Variants in NTN4 observed in about 807,000 individuals in gnomAD.
NTN4 encodes the protein netrin-4.
In NTN4, 32 loss-of-function variants were observed where a neutral mutation model predicts 73.6. The observed-to-expected ratio is 0.44, with a 90% CI of 0.33 to 0.58. The LOEUF (loss-of-function observed/expected upper bound fraction) is 0.58, where lower values mean the gene tolerates loss of function less well. NTN4 is among the 20% of genes least tolerant of loss of function. The pLI is 0.04. For missense variants in NTN4, 654 were observed against 798.3 expected (o/e 0.82, Z 2.18); for synonymous variants, 258 against 287.5 (o/e 0.90, Z 1.04).
intron 5 of NTN4, among the ~76,000 whole-genome samples, chr12:95,702,309 A>G (rs1033578696): frequency 7.2e-5 from 8 of 111,554 alleles, no homozygotes; most frequent in African/African-American, 2.8e-4. Flanking sequence ...AAAAAAAAAG[A>G]AAAAAAAAAA....
intron 2 of NTN4, among the ~76,000 whole-genome samples, chr12:95,745,823 T>C (rs1168073799): frequency 6.6e-6 from 1 of 151,830 alleles, no homozygotes; most frequent in Non-Finnish European, 1.5e-5. Flanking sequence ...AGTCTTGCTT[T>C]TACATTTTGT....
chr12:95,723,816 T>C (rs1267411997), intron 3 of NTN4, among the ~76,000 whole-genome samples: 4 of 152,160 alleles, frequency 2.6e-5, no homozygotes, highest in Non-Finnish European at 5.9e-5. Flanking sequence ...CTGGCCTATT[T>C]CAGCATTCTT....
At position 95,695,916 on chromosome 12, in the gene NTN4, C is replaced by G. The variant is rs114868103; in HGVS notation, c.1181-12205G>C. Among the ~76,000 whole-genome samples the G allele has an allele frequency of 1.3e-3, 196 of 151,562 alleles. 1 individual carries two copies. The highest frequency in any genetic ancestry group is 4.4e-3 in the African/African-American group (180 of 41,316). On this transcript the variant is annotated intron_variant, in intron 5 of 9. Transcript: ENST00000343702. ...GGTGCACCATTCTCTCCCTTCCTCC[C>G]TCCCTCCCTCTTTTCTTTTCTCTTT...
At chr12:95,740,011 G>C (rs1041900629) in intron 2 of NTN4, 1 of 152,252 alleles carries the variant, frequency 6.6e-6, no homozygotes, top group African/African-American at 2.4e-5. Context: ...GCGGCTCTGT[G>C]CTTGGTGTGC....
At chr12:95,722,666 A>T (rs1276290453) in intron 3 of NTN4, among the ~76,000 whole-genome samples, 1 of 151,996 alleles carries the variant, frequency 6.6e-6, no homozygotes, top group African/African-American at 2.4e-5. Flanking sequence ...AAGTGAAAGA[A>T]GGTTTTAAAA....
At chr12:95,682,973 A>T in intron 6 of NTN4, 151 bp from the exon 7 acceptor site, 1 of 531,598 alleles carries the variant, frequency 1.9e-6, no homozygotes, top group Non-Finnish European at 3.3e-6. Flanking sequence ...TGAAGACAAT[A>T]ATTATTTTGC....
chr12:95,673,081 G>C, intron 7 of NTN4: 2 of 1,423,796 alleles, frequency 1.4e-6, no homozygotes, highest in Non-Finnish European at 2.0e-6. Flanking sequence ...GCCGGCGGGC[G>C]GACTACTGTC....
intron 5 of NTN4, among the ~76,000 whole-genome samples, chr12:95,686,506 C>A (rs2078362042): frequency 6.6e-6 from 1 of 150,512 alleles, no homozygotes; most frequent in Admixed American, 6.6e-5. Flanking sequence ...CACCTGTAAT[C>A]CCTGCACGTT....
intron 5 of NTN4, among the ~76,000 whole-genome samples, chr12:95,698,944 C>T (rs1350567182): frequency 2.7e-5 from 4 of 150,086 alleles, no homozygotes; most frequent in Non-Finnish European, 5.9e-5. Flanking sequence ...AAAGGATTGC[C>T]TTAGTATGAT....
intron 2 of NTN4, among the ~76,000 whole-genome samples, chr12:95,762,195 CT>C (rs1338404847): frequency 6.6e-6 from 1 of 152,090 alleles, no homozygotes; most frequent in East Asian, 1.9e-4. Flanking sequence ...ATTCAAGAGT[CT>C]TTATCAGGAG....
At chr12:95,761,287 T>C (rs1167323826) in intron 2 of NTN4, among the ~76,000 whole-genome samples, 1 of 150,198 alleles carries the variant, frequency 6.7e-6, no homozygotes, top group Non-Finnish European at 1.5e-5. Flanking sequence ...CTGTGCATAG[T>C]AAAAGTGAAT....
rs1294902217 is a variant in NTN4 at position 95,730,965 on chromosome 12, T to C, written c.864+6901A>G. On this transcript the variant is annotated intron_variant, in intron 3 of 9. Transcript: ENST00000343702. Reference sequence around the variant, plus strand: ...AATGATTTAGGGCTAGAGAGGGAAGTAAAGGATGGTAGATCCAGAAATTCC... The same window carrying C: ...AATGATTTAGGGCTAGAGAGGGAAGCAAAGGATGGTAGATCCAGAAATTCC... Among the ~76,000 whole-genome samples the C allele has an allele frequency of 2.0e-5, 3 of 152,286 alleles. No homozygotes were observed. In the South Asian group the frequency reaches 6.2e-4, roughly 32 times the overall value.
chr12:95,682,080 T>TTTTTTTTTTTTTTTTTTA, intron 7 of NTN4, among the ~76,000 whole-genome samples: 1 of 118,456 alleles, frequency 8.4e-6, no homozygotes, highest in East Asian at 2.6e-4. Flanking sequence ...TTTTTTTTTT[T>TTTTTTTTTTTTTTTTTTA]GAGACAAGGT....
chr12:95,750,136 G>A (rs2121212974), intron 2 of NTN4, among the ~76,000 whole-genome samples: 1 of 150,786 alleles, frequency 6.6e-6, no homozygotes, highest in East Asian at 2.0e-4. Flanking sequence ...TCTTATCTCT[G>A]CGCCCCAATC....
intron 3 of NTN4, among the ~76,000 whole-genome samples, chr12:95,717,934 C>T (rs745580292): frequency 2.0e-5 from 3 of 152,180 alleles, no homozygotes; most frequent in Non-Finnish European, 4.4e-5. Context: ...GAATACTCTT[C>T]TCTGCCAATG....
intron 5 of NTN4, among the ~76,000 whole-genome samples, chr12:95,693,209 G>A (rs1394197721): frequency 6.6e-6 from 1 of 151,546 alleles, no homozygotes; most frequent in Non-Finnish European, 1.5e-5. Flanking sequence ...TAATGACAGG[G>A]CAGTAAGCAT....
intron 2 of NTN4, among the ~76,000 whole-genome samples, chr12:95,753,861 C>T (rs1314980807): frequency 6.6e-6 from 1 of 152,126 alleles, no homozygotes; most frequent in Non-Finnish European, 1.5e-5. Flanking sequence ...CGACACCAGA[C>T]CAACTTAGAC....
At chr12:95,738,763 T>C (rs1376392005) in intron 2 of NTN4, among the ~76,000 whole-genome samples, 2 of 152,208 alleles carry the variant, frequency 1.3e-5, no homozygotes, top group Admixed American at 1.3e-4. Context: ...AAGAATCGAC[T>C]GTGTCACATG....
At chr12:95,761,663 T>A (rs920601932) in intron 2 of NTN4, among the ~76,000 whole-genome samples, 1 of 152,172 alleles carries the variant, frequency 6.6e-6, no homozygotes, top group Non-Finnish European at 1.5e-5. Context: ...GTAAAGTGCG[T>A]CAAAAGACAT....
Sources: allele counts gnomAD v4.1 joint callset (sites outside exome capture counted in the v4.1 genomes callset), GRCh38; gene constraint gnomAD v4.1.1; transcripts MANE v1.5; gene names NCBI Gene and HGNC (gene_info 2026-07-23, HGNC 2026-07-21).